Variants in SGCZ observed in about 807,000 individuals in gnomAD.
The protein encoded by SGCZ is zeta-sarcoglycan.
In SGCZ, 40 loss-of-function variants were observed where a neutral mutation model predicts 41.3. The ratio of observed to expected loss-of-function variants is 0.97; its 90% CI spans 0.75 to 1.26. The LOEUF (loss-of-function observed/expected upper bound fraction) is 1.26, where lower values mean the gene tolerates loss of function less well. SGCZ is among the 50% of genes most tolerant of loss of function. The pLI, the probability that SGCZ is intolerant of heterozygous loss-of-function variation, is 0.00. For synonymous variants in SGCZ, 206 were observed against 137.5 expected, an observed-to-expected ratio of 1.50 and a Z score of -3.49; for missense variants, 552 against 369.8, an observed-to-expected ratio of 1.49 and a Z score of -4.04.
intron 3 of SGCZ, among the ~76,000 whole-genome samples, chr8:14,318,816 C>A (rs945559741): frequency 2.6e-5 from 4 of 151,940 alleles, no homozygotes; most frequent in Middle Eastern, 3.4e-3. Flanking sequence ...TAAGTAAGTG[C>A]TTCAATCATT....
intron 3 of SGCZ, among the ~76,000 whole-genome samples, chr8:14,301,966 C>T (rs570175270): frequency 1.1e-4 from 16 of 152,216 alleles, no homozygotes; most frequent in African/African-American, 3.4e-4. Flanking sequence ...ATTTACAGTT[C>T]ATTGATGTTT....
At chr8:14,100,529 T>C (rs921805924) in intron 7 of SGCZ, among the ~76,000 whole-genome samples, 2 of 136,098 alleles carry the variant, frequency 1.5e-5, no homozygotes, top group Admixed American at 7.4e-5. Flanking sequence ...TATTAATATA[T>C]TTTCAAAATA....
At chr8:14,832,192 G>C (rs1802556472) in intron 1 of SGCZ, among the ~76,000 whole-genome samples, 1 of 152,018 alleles carries the variant, frequency 6.6e-6, no homozygotes, top group Admixed American at 6.6e-5. Context: ...CTTTTATTTA[G>C]AAGGATCACA....
At chr8:15,137,104 G>A (rs1257780858) in intron 1 of SGCZ, among the ~76,000 whole-genome samples, 1 of 152,172 alleles carries the variant, frequency 6.6e-6, no homozygotes, top group Non-Finnish European at 1.5e-5. Flanking sequence ...TAAAGTCCAG[G>A]CTGAGATGGT....
chr8:15,150,393 T>A (rs1799144936), intron 1 of SGCZ, among the ~76,000 whole-genome samples: 1 of 152,208 alleles, frequency 6.6e-6, no homozygotes, highest in African/African-American at 2.4e-5. Context: ...TGACCTCAGT[T>A]TCTCCATTGA....
intron 1 of SGCZ, among the ~76,000 whole-genome samples, chr8:14,876,488 A>G (rs1164811398): frequency 6.6e-6 from 1 of 152,154 alleles, no homozygotes. Context: ...AAGGAAGAAA[A>G]TAGAAGTTTA....
At chr8:14,839,026 G>A (rs370327794) in intron 1 of SGCZ, among the ~76,000 whole-genome samples, 17 of 152,250 alleles carry the variant, frequency 1.1e-4, no homozygotes, top group African/African-American at 4.1e-4. Context: ...TCTTGAGAAA[G>A]TATCTGACTT....
At chr8:14,301,970 G>T (rs1453694484) in intron 3 of SGCZ, among the ~76,000 whole-genome samples, 1 of 152,038 alleles carries the variant, frequency 6.6e-6, no homozygotes, top group Admixed American at 6.6e-5. Context: ...ACAGTTCATT[G>T]ATGTTTTCCC....
chr8:14,467,955 AATAAT>A (rs147862401), intron 2 of SGCZ, among the ~76,000 whole-genome samples: 1,789 of 152,186 alleles, frequency 0.012, 40 homozygotes, highest in African/African-American at 0.042. Context: ...TTTTGAAACA[AATAAT>A]ATATTAGAAC....
chr8:15,223,039 G>C (rs1408451879), intron 1 of SGCZ, among the ~76,000 whole-genome samples: 2 of 152,158 alleles, frequency 1.3e-5, no homozygotes, highest in Non-Finnish European at 2.9e-5. Flanking sequence ...TATTTTTCCA[G>C]ATGGTAAGGA....
intron 1 of SGCZ, among the ~76,000 whole-genome samples, chr8:14,873,461 ATTACT>A (rs1417223590): frequency 6.6e-6 from 1 of 152,148 alleles, no homozygotes; most frequent in East Asian, 1.9e-4. Context: ...AGAAGTGATC[ATTACT>A]TTATTTGTAA....
chr8:14,304,233 A>C (rs557733159), intron 3 of SGCZ, among the ~76,000 whole-genome samples: 1 of 152,040 alleles, frequency 6.6e-6, no homozygotes, highest in South Asian at 2.1e-4. Context: ...GCTTGAGCCC[A>C]GGAGTTCGAG....
At chr8:14,988,284 G>C (rs1801894804) in intron 1 of SGCZ, among the ~76,000 whole-genome samples, 1 of 151,458 alleles carries the variant, frequency 6.6e-6, no homozygotes, top group Non-Finnish European at 1.5e-5. Context: ...TGAAAACAAA[G>C]GACAAACATG....
chr8:14,862,256 T>G (rs906837278), intron 1 of SGCZ, among the ~76,000 whole-genome samples: 1 of 151,822 alleles, frequency 6.6e-6, no homozygotes, highest in African/African-American at 2.4e-5. Context: ...GGTCATTTAG[T>G]GATTACCTAC....
intron 2 of SGCZ, among the ~76,000 whole-genome samples, chr8:14,450,735 G>T (rs530608616): frequency 6.6e-6 from 1 of 152,084 alleles, no homozygotes; most frequent in Non-Finnish European, 1.5e-5. Flanking sequence ...TCTCATCTCT[G>T]TCATTATGAT....
At chr8:14,473,189 C>T (rs1801260913) in intron 2 of SGCZ, among the ~76,000 whole-genome samples, 1 of 151,882 alleles carries the variant, frequency 6.6e-6, no homozygotes, top group South Asian at 2.1e-4. Flanking sequence ...AAATGTATTA[C>T]AAAGGTTTAT....
At chr8:14,173,583 A>G (rs1174412078) in intron 4 of SGCZ, among the ~76,000 whole-genome samples, 1 of 152,218 alleles carries the variant, frequency 6.6e-6, no homozygotes, top group East Asian at 1.9e-4. Flanking sequence ...AGCAGAGATA[A>G]ATGAAGACTA....
intron 2 of SGCZ, among the ~76,000 whole-genome samples, chr8:14,407,936 T>G (rs1175036570): frequency 2.6e-5 from 4 of 152,182 alleles, no homozygotes; most frequent in African/African-American, 9.7e-5. Flanking sequence ...TTTCACTTAT[T>G]TTTGTCTCAG....
At chr8:14,837,598 G>C (rs1248261181) in intron 1 of SGCZ, among the ~76,000 whole-genome samples, 1 of 152,204 alleles carries the variant, frequency 6.6e-6, no homozygotes, top group Admixed American at 6.5e-5. Context: ...AGTGAAGAAA[G>C]TGGTAGGCCT....
Sources: allele counts gnomAD v4.1 joint callset (sites outside exome capture counted in the v4.1 genomes callset), GRCh38; gene constraint gnomAD v4.1.1; transcripts MANE v1.5; gene names NCBI Gene and HGNC (gene_info 2026-07-23, HGNC 2026-07-21).